The following B3GALT1 variants were observed in gnomAD, a reference collection of about 807,000 sequenced individuals.
B3GALT1 encodes UDP-Gal:betaGlcNAc beta 1,3-galactosyltransferase, polypeptide 1.
Under a neutral mutation model 23.2 loss-of-function variants are expected in B3GALT1, and 10 were observed. The observed-to-expected ratio is 0.43, with a 90% CI of 0.27 to 0.73. The LOEUF (loss-of-function observed/expected upper bound fraction) is 0.73. Among genes scored for constraint, B3GALT1 ranks in the 30% least tolerant of loss-of-function variants. The pLI is 0.21. For missense variants in B3GALT1, 299 were observed against 405.4 expected (o/e 0.74, Z 2.25); for synonymous variants, 156 against 141.5 (o/e 1.10, Z -0.73).
rs759620212 is a variant in B3GALT1, at chr2:167,521,522, A to G, written c.-410+31245A>G. 6.0e-4 allele frequency among the ~76,000 whole-genome samples: 91 copies of G among 152,288 alleles called. 1 individual carries two copies. The highest frequency in any genetic ancestry group is 1.7e-3 in the South Asian group (8 of 4,828). ...TTTATGTTTTTATATTAGAAATAAT[A>G]TGACAGTGAACATCTTTGTCTACAA... On this transcript the variant is annotated intron_variant, in intron 2 of 4. Coordinates refer to ENST00000392690, the MANE Select transcript of B3GALT1 (RefSeq NM_020981.4).
intron 2 of B3GALT1, among the ~76,000 whole-genome samples, chr2:167,510,392 A>G (rs1699987769): frequency 6.7e-6 from 1 of 148,158 alleles, no homozygotes; most frequent in African/African-American, 2.5e-5. Flanking sequence ...TTATAAATTC[A>G]TGATTGCAAG....
chr2:167,853,598 C>G (rs60608758), intron 4 of B3GALT1, among the ~76,000 whole-genome samples: 2 of 151,972 alleles, frequency 1.3e-5, no homozygotes, highest in African/African-American at 4.8e-5. Context: ...GTGGGATTAT[C>G]AAATATGATG....
At chr2:167,634,095 A>G (rs1045407603) in intron 2 of B3GALT1, among the ~76,000 whole-genome samples, 3 of 152,112 alleles carry the variant, frequency 2.0e-5, no homozygotes, top group South Asian at 4.1e-4. Flanking sequence ...CTGAATGACT[A>G]CTGGCTAAAT....
At chr2:167,683,444 A>T (rs1686568758) in intron 3 of B3GALT1, among the ~76,000 whole-genome samples, 1 of 152,170 alleles carries the variant, frequency 6.6e-6, no homozygotes, top group African/African-American at 2.4e-5. Flanking sequence ...AACACATCCA[A>T]GGGGCCAGGC....
intron 2 of B3GALT1, among the ~76,000 whole-genome samples, chr2:167,567,107 TCCC>T (rs1430398773): frequency 3.3e-5 from 5 of 152,194 alleles, no homozygotes; most frequent in Non-Finnish European, 4.4e-5. Flanking sequence ...GGAATGATGA[TCCC>T]CTTCCTGTAT....
chr2:167,561,706 A>G (rs1298222404), intron 2 of B3GALT1, among the ~76,000 whole-genome samples: 7 of 152,256 alleles, frequency 4.6e-5, no homozygotes, highest in Non-Finnish European at 1.0e-4. Context: ...GAAAATCTAG[A>G]AGAAATGGAT....
intron 2 of B3GALT1, among the ~76,000 whole-genome samples, chr2:167,564,438 G>T (rs1231734726): frequency 6.6e-6 from 1 of 151,876 alleles, no homozygotes; most frequent in Non-Finnish European, 1.5e-5. Flanking sequence ...AGGCGGAGAC[G>T]CTCCCCACCT....
At chr2:167,833,777 T>G (rs1171563047) in intron 4 of B3GALT1, among the ~76,000 whole-genome samples, 1 of 152,132 alleles carries the variant, frequency 6.6e-6, no homozygotes, top group African/African-American at 2.4e-5. Flanking sequence ...CATGAAAAAA[T>G]GACATCTTTA....
chr2:167,590,740 T>C (rs930479023), intron 2 of B3GALT1, among the ~76,000 whole-genome samples: 6 of 152,160 alleles, frequency 3.9e-5, no homozygotes, highest in Admixed American at 3.9e-4. Flanking sequence ...CTTGATATTT[T>C]TTTGAAGAAA....
chr2:167,692,394 C>CTTAA (rs1686728835), intron 3 of B3GALT1, among the ~76,000 whole-genome samples: 2 of 151,882 alleles, frequency 1.3e-5, no homozygotes. Flanking sequence ...GGGTAATTTG[C>CTTAA]GTAATCATGT....
At chr2:167,483,556 AT>A (rs1405032364) in intron 1 of B3GALT1, among the ~76,000 whole-genome samples, 1 of 152,216 alleles carries the variant, frequency 6.6e-6, no homozygotes, top group East Asian at 1.9e-4. Flanking sequence ...ATACACATAT[AT>A]GGTTGAGTCA....
chr2:167,797,602 A>G (rs1321358064), intron 3 of B3GALT1, among the ~76,000 whole-genome samples: 1 of 152,244 alleles, frequency 6.6e-6, no homozygotes, highest in African/African-American at 2.4e-5. Flanking sequence ...CCAACAGTGT[A>G]AAAGTGTTCC....
chr2:167,303,884 G>A (rs1327736816), intron 1 of B3GALT1, among the ~76,000 whole-genome samples: 4 of 152,082 alleles, frequency 2.6e-5, no homozygotes, highest in African/African-American at 7.2e-5. Flanking sequence ...GGGTTGGGAG[G>A]TTGTTACCAA....
At chr2:167,373,565 G>A (rs1158415066) in intron 1 of B3GALT1, among the ~76,000 whole-genome samples, 2 of 152,116 alleles carry the variant, frequency 1.3e-5, no homozygotes, top group African/African-American at 2.4e-5. Flanking sequence ...AAGAGGTAGA[G>A]CAAAAGACTT....
At position 167,406,441 on chromosome 2, in the gene B3GALT1, C is replaced by T. The variant is rs75589413; in HGVS notation, c.-510-83736C>T. ...GAGCCACAGAAAAGTGGAGAAACTCCAAGCAGATAGTAAAAGAATCCAGAC... is the reference window on the plus strand; with the variant it reads ...GAGCCACAGAAAAGTGGAGAAACTCTAAGCAGATAGTAAAAGAATCCAGAC... On this transcript the variant is annotated intron_variant, in intron 1 of 4. Coordinates refer to ENST00000392690, the MANE Select transcript of B3GALT1 (RefSeq NM_020981.4). Among the ~76,000 whole-genome samples the T allele has an allele frequency of 7.4e-4, 112 of 152,142 alleles. 1 individual carries two copies. The East Asian group carries it at 0.018, about 24-fold the overall frequency.
At chr2:167,827,656 G>A (rs1689257557) in intron 4 of B3GALT1, among the ~76,000 whole-genome samples, 1 of 152,176 alleles carries the variant, frequency 6.6e-6, no homozygotes, top group Non-Finnish European at 1.5e-5. Context: ...CTGATGGCGT[G>A]TTTGCATATG....
At chr2:167,392,772 T>C (rs1275555743) in intron 1 of B3GALT1, among the ~76,000 whole-genome samples, 1 of 152,154 alleles carries the variant, frequency 6.6e-6, no homozygotes, top group Admixed American at 6.5e-5. Flanking sequence ...AAACAGTGTT[T>C]TAGTACATTT....
At chr2:167,525,971 T>C (rs1455501284) in intron 2 of B3GALT1, among the ~76,000 whole-genome samples, 1 of 151,998 alleles carries the variant, frequency 6.6e-6, no homozygotes, top group African/African-American at 2.4e-5. Context: ...GTCCCCAACA[T>C]TTTGTTCCTT....
intron 2 of B3GALT1, among the ~76,000 whole-genome samples, chr2:167,587,542 T>C (rs1423110853): frequency 6.6e-6 from 1 of 152,202 alleles, no homozygotes; most frequent in Non-Finnish European, 1.5e-5. Context: ...CTGTCTCTTG[T>C]TTATTGAAGC....
Sources: gnomAD v4.1 joint callset for allele counts (sites outside exome capture counted in the v4.1 genomes callset) on GRCh38, gnomAD v4.1.1 for gene constraint, MANE v1.5 for transcripts, NCBI Gene and HGNC (gene_info 2026-07-23, HGNC 2026-07-21) for gene names.